Variants in EXTL3 observed in about 807,000 individuals in gnomAD.
EXTL3 encodes the protein exostosin like glycosyltransferase 3.
EXTL3 carries 27 observed loss-of-function variants against 69.3 expected under a neutral mutation model. The observed-to-expected ratio is 0.39, with a 90% CI of 0.29 to 0.54. The LOEUF is 0.54. EXTL3 is among the 20% of genes least tolerant of loss of function. EXTL3 has a pLI of 0.69. For missense variants in EXTL3, 1,003 were observed against 1,231.8 expected (o/e 0.81, Z 2.78); for synonymous variants, 511 against 499.4 (o/e 1.02, Z -0.31).
upstream of EXTL3, among the ~76,000 whole-genome samples, chr8:28,621,809 C>G (rs1423830559): frequency 6.6e-6 from 1 of 152,172 alleles, no homozygotes; most frequent in African/African-American, 2.4e-5. Context: ...TTTGTGGACA[C>G]GCAGATTTGC....
chr8:28,614,537 G>A (rs927314210), intron 2 of EXTL3, among the ~76,000 whole-genome samples: 4 of 152,034 alleles, frequency 2.6e-5, no homozygotes, highest in South Asian at 2.1e-4. Context: ...GCCTCCCAAA[G>A]TGCTGGGATT....
At chr8:28,618,069 T>C (rs1342830870), upstream of EXTL3, among the ~76,000 whole-genome samples, 1 of 152,202 alleles carries the variant, frequency 6.6e-6, no homozygotes, top group Non-Finnish European at 1.5e-5. Flanking sequence ...ATAGTGTTGA[T>C]GGTTGCCTAA....
At chr8:28,747,689 A>G (rs1376538266) in intron 6 of EXTL3, among the ~76,000 whole-genome samples, 1 of 149,578 alleles carries the variant, frequency 6.7e-6, no homozygotes, top group Non-Finnish European at 1.5e-5. Flanking sequence ...ATATACACAT[A>G]TGTGTGTAAA....
chr8:28,733,216 G>T (rs1315889076), intron 4 of EXTL3, among the ~76,000 whole-genome samples: 2 of 152,082 alleles, frequency 1.3e-5, no homozygotes, highest in Non-Finnish European at 2.9e-5. Context: ...TTTTGAGCCG[G>T]TCAGGCTGTT....
In EXTL3 at chr8:28,712,170, A is replaced by G. The variant is rs533835100; in HGVS notation, c.-569-1287A>G. On this transcript the variant is annotated intron_variant, in intron 1 of 6. Coordinates refer to ENST00000220562, the MANE Select transcript of EXTL3 (RefSeq NM_001440.4). ...CCTGAAGGATGAGAAAGAGTCTGCC[A>G]GGCAGAAGCCTGGGGAAGAACATTT... Among the ~76,000 whole-genome samples, 12 of 152,352 alleles carry G rather than the reference A, an allele frequency of 7.9e-5. No homozygotes were observed. The East Asian group carries it at 2.3e-3, about 29-fold the overall frequency.
chr8:28,738,389 ATTGT>A (rs758641167), intron 5 of EXTL3, among the ~76,000 whole-genome samples: 11 of 152,308 alleles, frequency 7.2e-5, no homozygotes, highest in Non-Finnish European at 1.0e-4. Flanking sequence ...TAGCTCAGTA[ATTGT>A]TTGTGTTGAT....
intron 5 of EXTL3, among the ~76,000 whole-genome samples, chr8:28,738,050 A>G (rs560617016): frequency 3.9e-5 from 6 of 152,226 alleles, no homozygotes; most frequent in South Asian, 2.1e-4. Context: ...TAGATATACC[A>G]TGCCTGTCCC....
At chr8:28,675,544 T>C (rs1264120477) in intron 1 of EXTL3, among the ~76,000 whole-genome samples, 1 of 152,200 alleles carries the variant, frequency 6.6e-6, no homozygotes, top group Non-Finnish European at 1.5e-5. Context: ...TTCTAACCTA[T>C]ACTGTTGTCA....
intron 3 of EXTL3, among the ~76,000 whole-genome samples, chr8:28,722,671 A>G (rs530241790): frequency 2.0e-5 from 3 of 151,478 alleles, no homozygotes; most frequent in Non-Finnish European, 4.4e-5. Flanking sequence ...GCTCTTGGGA[A>G]GCCGAGGTGA....
At chr8:28,727,534 T>C (rs1208224295) in intron 3 of EXTL3, among the ~76,000 whole-genome samples, 1 of 152,244 alleles carries the variant, frequency 6.6e-6, no homozygotes, top group Non-Finnish European at 1.5e-5. Flanking sequence ...CAAATCATTG[T>C]AGTTTTTCTT....
upstream of EXTL3, chr8:28,700,548 C>G (rs1585258715): frequency 6.6e-6 from 1 of 152,196 alleles, no homozygotes; most frequent in African/African-American, 2.4e-5. Flanking sequence ...TTAAGGCAGC[C>G]GACCACCCAA....
intron 1 of EXTL3, among the ~76,000 whole-genome samples, chr8:28,643,039 T>A (rs185617048): frequency 6.6e-6 from 1 of 151,578 alleles, no homozygotes; most frequent in Non-Finnish European, 1.5e-5. Context: ...AGGGCAGGAG[T>A]TGGAGACCAT....
chr8:28,614,399 G>A (rs1213450894), intron 2 of EXTL3, among the ~76,000 whole-genome samples: 2 of 149,142 alleles, frequency 1.3e-5, no homozygotes, highest in African/African-American at 4.9e-5. Context: ...TCAGCCTCCT[G>A]AGTAGCTGGA....
intron 1 of EXTL3, among the ~76,000 whole-genome samples, chr8:28,629,961 C>G (rs1021733107): frequency 2.0e-5 from 3 of 152,098 alleles, no homozygotes; most frequent in African/African-American, 7.2e-5. Flanking sequence ...TTTCCTGGGA[C>G]GACATCCCAA....
intron 2 of EXTL3, 44 bp downstream of exon 2, chr8:28,713,594 C>G: frequency 2.9e-6 from 2 of 691,218 alleles, no homozygotes; most frequent in South Asian, 1.6e-5. Context: ...ATTACGCCTT[C>G]TTTTCTTTTT....
intron 6 of EXTL3, among the ~76,000 whole-genome samples, chr8:28,745,619 A>G (rs1801873223): frequency 6.6e-6 from 1 of 152,190 alleles, no homozygotes; most frequent in South Asian, 2.1e-4. Context: ...GTCAAGATGT[A>G]TGCATCAATT....
chr8:28,638,801 T>G (rs1806696546), intron 1 of EXTL3, among the ~76,000 whole-genome samples: 1 of 152,152 alleles, frequency 6.6e-6, no homozygotes, highest in African/African-American at 2.4e-5. Flanking sequence ...CTGGCTAATT[T>G]TGTATTTTTA....
At chr8:28,688,454 A>G (rs1234537393) in intron 1 of EXTL3, among the ~76,000 whole-genome samples, 1 of 152,198 alleles carries the variant, frequency 6.6e-6, no homozygotes, top group African/African-American at 2.4e-5. Flanking sequence ...TGGACTAACA[A>G]TTTACATGCA....
In EXTL3 at chr8:28,716,933, A is replaced by G; in HGVS notation, c.874A>G (p.Ser292Gly). The change falls in exon 3 of 7, where the codon AGT (serine) becomes GGT (glycine). Residue 292 changes from serine to glycine, a missense_variant. This residue lies in a region of EXTL3 where 742 missense variants were observed against 815.4 expected (regional missense o/e 0.91). Coordinates refer to ENST00000220562, the MANE Select transcript of EXTL3 (RefSeq NM_001440.4). This position sits in a 1 kb window ranked among gnomAD's most constrained non-coding sequence, Gnocchi z 7.1. ...TACACAGAACCTTCTCTATAACGTC[A>G]GTACTGGCCGTGCCATGGTGGCCCA... ...SDTQNLLYNV[S>G]TGRAMVAQST... 6.2e-7 allele frequency: 1 copy of G among 1,614,226 alleles called. No homozygotes were observed. Among genetic ancestry groups the G allele is most frequent in the Non-Finnish European group, 8.5e-7 (1 of 1,180,038 alleles).
Sources: gnomAD v4.1 joint callset for allele counts (sites outside exome capture counted in the v4.1 genomes callset) on GRCh38, gnomAD v4.1.1 for gene constraint, gnomAD v4.1.1 regional missense constraint, Gnocchi (gnomAD v3.1) non-coding constraint, MANE v1.5 for transcripts, NCBI Gene and HGNC (gene_info 2026-07-23, HGNC 2026-07-21) for gene names.